SYNDIG1: variants seen among roughly 807,000 people sequenced by gnomAD.
SYNDIG1 encodes the protein synapse differentiation-inducing gene protein 1.
A neutral mutation model predicts 19.4 loss-of-function variants in SYNDIG1; 9 were observed. The observed-to-expected ratio is 0.46, with a 90% CI of 0.28 to 0.81. The LOEUF (loss-of-function observed/expected upper bound fraction) is 0.81. SYNDIG1 is among the 30% of genes least tolerant of loss of function. SYNDIG1 has a pLI of 0.12. For synonymous variants in SYNDIG1, 141 were observed against 145.9 expected, an observed-to-expected ratio of 0.97 and a Z score of 0.24; for missense variants, 311 against 343.3, an observed-to-expected ratio of 0.91 and a Z score of 0.74.
chr20:24,541,425 T>A (rs895656393), intron 1 of SYNDIG1, among the ~76,000 whole-genome samples: 3 of 152,208 alleles, frequency 2.0e-5, no homozygotes, highest in African/African-American at 7.2e-5. Flanking sequence ...CTTACAATAG[T>A]GTTATAGAAA....
intron 1 of SYNDIG1, among the ~76,000 whole-genome samples, chr20:24,494,423 G>A (rs909842351): frequency 5.3e-5 from 8 of 152,206 alleles, no homozygotes; most frequent in African/African-American, 1.2e-4. Flanking sequence ...CATCGAAGTG[G>A]GGCGTGACGA....
intron 2 of SYNDIG1, among the ~76,000 whole-genome samples, chr20:24,551,622 A>G (rs140464744): frequency 2.0e-4 from 31 of 152,150 alleles, no homozygotes; most frequent in African/African-American, 7.5e-4. Context: ...ATGTATATTC[A>G]AGGCTATCAC....
intron 1 of SYNDIG1, among the ~76,000 whole-genome samples, chr20:24,490,533 CT>C (rs2056115890): frequency 6.6e-6 from 1 of 152,178 alleles, no homozygotes. Context: ...TGGCTCGCCC[CT>C]AGCCCTTGGG....
intron 1 of SYNDIG1, among the ~76,000 whole-genome samples, chr20:24,524,986 A>G (rs2057091023): frequency 6.6e-6 from 1 of 152,104 alleles, no homozygotes; most frequent in South Asian, 2.1e-4. Context: ...ATTAATTTAG[A>G]TGGGGCTCAT....
At chr20:24,657,237 GC>G (rs2059534963) in intron 3 of SYNDIG1, among the ~76,000 whole-genome samples, 1 of 152,200 alleles carries the variant, frequency 6.6e-6, no homozygotes, top group Admixed American at 6.5e-5. Flanking sequence ...GATAGCAGCT[GC>G]CCGGTCCAGC....
intron 3 of SYNDIG1, among the ~76,000 whole-genome samples, chr20:24,606,058 T>G (rs1038786728): frequency 2.0e-5 from 3 of 152,268 alleles, no homozygotes; most frequent in African/African-American, 4.8e-5. Flanking sequence ...TATGGTTTTG[T>G]GTGGTGTCCC....
At chr20:24,555,446 C>T (rs2057794576) in intron 2 of SYNDIG1, among the ~76,000 whole-genome samples, 2 of 152,150 alleles carry the variant, frequency 1.3e-5, no homozygotes, top group South Asian at 4.1e-4. Flanking sequence ...GCATTTAATG[C>T]TATAAATTTC....
rs1171613440 is a variant in SYNDIG1, at chr20:24,562,058, A to T, written c.480+18481A>T. ...TATAGTTGCATCTCATTTATTCCAG[A>T]TTCTTCCAGATCTGTGTGTGGATCA... On this transcript the variant is annotated intron_variant, in intron 2 of 3. Transcript: ENST00000376862. Among the ~76,000 whole-genome samples, 5 of 152,114 alleles carry T rather than the reference A, an allele frequency of 3.3e-5. No homozygotes were observed. The East Asian group carries it at 9.6e-4, about 29-fold the overall frequency.
At chr20:24,473,561 T>C (rs1438178232) in intron 1 of SYNDIG1, among the ~76,000 whole-genome samples, 1 of 152,110 alleles carries the variant, frequency 6.6e-6, no homozygotes, top group Non-Finnish European at 1.5e-5. Flanking sequence ...AGTGCCCTCA[T>C]GGTTGCTTTG....
intron 1 of SYNDIG1, among the ~76,000 whole-genome samples, chr20:24,508,912 A>G (rs901319901): frequency 6.6e-6 from 1 of 152,218 alleles, no homozygotes; most frequent in African/African-American, 2.4e-5. Flanking sequence ...GGTCAACAAG[A>G]AATAAAAACC....
chr20:24,558,846 A>G (rs2057878895), intron 2 of SYNDIG1, among the ~76,000 whole-genome samples: 1 of 152,218 alleles, frequency 6.6e-6, no homozygotes, highest in Admixed American at 6.5e-5. Flanking sequence ...TCATACTGTC[A>G]TGTATGTATT....
chr20:24,536,548 G>A (rs1040203740), intron 1 of SYNDIG1, among the ~76,000 whole-genome samples: 1 of 152,120 alleles, frequency 6.6e-6, no homozygotes, highest in Non-Finnish European at 1.5e-5. Flanking sequence ...AGCCACCTCT[G>A]TGTTAGAAAC....
chr20:24,556,650 T>C (rs1032206417), intron 2 of SYNDIG1, among the ~76,000 whole-genome samples: 1 of 152,248 alleles, frequency 6.6e-6, no homozygotes, highest in African/African-American at 2.4e-5. Flanking sequence ...GTCTTCTGGC[T>C]TGTAGAGTTT....
intron 1 of SYNDIG1, among the ~76,000 whole-genome samples, chr20:24,473,305 G>T (rs1240976626): frequency 6.6e-6 from 1 of 152,130 alleles, no homozygotes; most frequent in Non-Finnish European, 1.5e-5. Context: ...TCTTGACCCG[G>T]CATCACTACA....
At chr20:24,642,501 A>T (rs2059388152) in intron 3 of SYNDIG1, among the ~76,000 whole-genome samples, 2 of 152,178 alleles carry the variant, frequency 1.3e-5, no homozygotes, top group Admixed American at 1.3e-4. Context: ...GAGCACTTAG[A>T]TAAATGTTTT....
At chr20:24,499,774 C>T (rs770804593) in intron 1 of SYNDIG1, among the ~76,000 whole-genome samples, 1 of 152,176 alleles carries the variant, frequency 6.6e-6, no homozygotes. Context: ...CTTGGTAAGG[C>T]AAGGAGTGAA....
In SYNDIG1 at chr20:24,660,628, T is replaced by A. The variant is rs1223447598; in HGVS notation, c.619-4718T>A. Among the ~76,000 whole-genome samples the A allele has an allele frequency of 7.2e-5, 11 of 152,368 alleles. No individual in the cohort carries two copies. The South Asian group carries it at 1.9e-3, about 26-fold the overall frequency. ...TCACAGCCACCCCAAACTCACATTGTCACAGGAGGCTTGTGCTCTCGTACA... is the reference window on the plus strand; with the variant it reads ...TCACAGCCACCCCAAACTCACATTGACACAGGAGGCTTGTGCTCTCGTACA... On this transcript the variant is annotated intron_variant, in intron 3 of 3. Coordinates refer to ENST00000376862, the MANE Select transcript of SYNDIG1 (RefSeq NM_024893.3).
chr20:24,612,374 G>A lies in SYNDIG1; in HGVS notation c.618+27381G>A, dbSNP rs145381032. Reference sequence around the variant, plus strand: ...GCCCCCGAGTCCTGAGTCTACTTGGGAATATTGTGATGGTCCCTGTTGACA... The same window carrying A: ...GCCCCCGAGTCCTGAGTCTACTTGGAAATATTGTGATGGTCCCTGTTGACA... On this transcript the variant is annotated intron_variant, in intron 3 of 3. Coordinates refer to ENST00000376862, the MANE Select transcript of SYNDIG1 (RefSeq NM_024893.3). Among the ~76,000 whole-genome samples, 612 of 152,250 alleles carry A rather than the reference G, an allele frequency of 4.0e-3. 1 individual carries two copies. Among genetic ancestry groups the A allele is most frequent in the Middle Eastern group, 0.031 (9 of 294 alleles).
intron 1 of SYNDIG1, among the ~76,000 whole-genome samples, chr20:24,516,572 C>T (rs997507446): frequency 6.6e-6 from 1 of 152,184 alleles, no homozygotes; most frequent in African/African-American, 2.4e-5. Flanking sequence ...AAAAACTGCT[C>T]ATCATCACTG....
Sources: gnomAD v4.1 joint callset for allele counts (sites outside exome capture counted in the v4.1 genomes callset) on GRCh38, gnomAD v4.1.1 for gene constraint, MANE v1.5 for transcripts, NCBI Gene and HGNC (gene_info 2026-07-23, HGNC 2026-07-21) for gene names.